The following GDF1 variants were observed in gnomAD, a reference collection of about 807,000 sequenced individuals.
The protein encoded by GDF1 is embryonic growth/differentiation factor 1.
In GDF1, 8 loss-of-function variants were observed where a neutral mutation model predicts 7.4. The ratio of observed to expected loss-of-function variants is 1.09; its 90% CI spans 0.64 to 1.96. The LOEUF is 1.96. Ranked by LOEUF, GDF1 falls within the 30% of genes most tolerant of loss-of-function variation. The pLI is 0.00. For missense variants in GDF1, 574 were observed against 551.5 expected (o/e 1.04, Z -0.41); for synonymous variants, 311 against 276.7 (o/e 1.12, Z -1.23).
chr19:18,880,152 C>A, intron 4 of GDF1, 122 bp downstream of exon 4: 1 of 993,954 alleles, frequency 1.0e-6, no homozygotes, highest in Non-Finnish European at 1.4e-6. Flanking sequence ...CCTCCCCTGT[C>A]ATGCCACACA....
chr19:18,870,616 C>A lies in GDF1; in HGVS notation c.-309G>T. 1.7e-6 allele frequency: 1 copy of A among 573,434 alleles called. No homozygotes were observed. Among genetic ancestry groups the A allele is most frequent in the Non-Finnish European group, 3.2e-6 (1 of 316,748 alleles). The allele number at this position is 573,434 out of a possible 1,614,324, so 35.5% of individuals were successfully genotyped here. On this transcript the variant is annotated 5_prime_UTR_variant, in exon 7 of 8. Coordinates refer to ENST00000247005, the MANE Select transcript of GDF1 (RefSeq NM_001492.6). This position sits in a 1 kb window ranked among gnomAD's most constrained non-coding sequence, Gnocchi z 5.1. ...CCTTCACCAGGCCGTTCCTCAGTGGCTTCCTGGGGGTCAGAACCGGCGCAG... is the reference window on the plus strand; with the variant it reads ...CCTTCACCAGGCCGTTCCTCAGTGGATTCCTGGGGGTCAGAACCGGCGCAG...
chr19:18,873,075 G>C (rs1488068094), intron 6 of GDF1, among the ~76,000 whole-genome samples: 1 of 147,854 alleles, frequency 6.8e-6, no homozygotes, highest in Non-Finnish European at 1.5e-5. Flanking sequence ...TCATAGATGA[G>C]GAGGAGAGGG....
chr19:18,869,338 C>T lies in GDF1; in HGVS notation c.378G>A (p.Glu126=). The change falls in exon 8 of 8, where the codon GAG becomes GAA. Residue 126 remains glutamate (E), a synonymous_variant. Coordinates refer to ENST00000247005, the MANE Select transcript of GDF1 (RefSeq NM_001492.6). ...EPASAAGHCP[E]WTVVFDLSAV... is the part of the protein sequence containing the mutation. Reference sequence around the variant, plus strand: ...CCGACAGGTCGAAGACGACTGTCCACTCAGGGCAATGCCCCGCGGCCGAGG... The same window carrying T: ...CCGACAGGTCGAAGACGACTGTCCATTCAGGGCAATGCCCCGCGGCCGAGG... The T allele has an allele frequency of 1.3e-6, 2 of 1,530,820 alleles. No individual in the cohort carries two copies. The highest frequency in any genetic ancestry group is 2.5e-5 in the East Asian group (1 of 40,238). 94.8% of individuals were successfully genotyped at this position (1,530,820 alleles called of 1,614,324 possible). A position where few individuals can be genotyped will look rare whatever the true frequency, so the allele number is the denominator to read the frequency against.
chr19:18,888,536 A>AAC (rs1555706271), intron 2 of GDF1, among the ~76,000 whole-genome samples: 15 of 148,656 alleles, frequency 1.0e-4, no homozygotes, highest in African/African-American at 3.8e-4. Context: ...AAAAAAAAAA[A>AAC]AAAAAAAAAA....
chr19:18,889,120 G>T (rs899888388), intron 2 of GDF1, among the ~76,000 whole-genome samples: 1 of 151,842 alleles, frequency 6.6e-6, no homozygotes, highest in Non-Finnish European at 1.5e-5. Context: ...TGGAACTCCC[G>T]GCCTCAAGTG....
In GDF1 at chr19:18,868,921, G is replaced by A; in HGVS notation, c.795C>T (p.Gly265=). 3.7e-6 allele frequency: 5 copies of A among 1,337,048 alleles called. No homozygotes were observed. The highest frequency in any genetic ancestry group is 4.8e-6 in the Non-Finnish European group (5 of 1,035,046). 82.8% of individuals were successfully genotyped at this position (1,337,048 alleles called of 1,614,324 possible). The change falls in exon 8 of 8, where the codon GGC becomes GGT. Residue 265 remains glycine (G), a synonymous_variant. Coordinates refer to ENST00000247005, the MANE Select transcript of GDF1 (RefSeq NM_001492.6). ...AEPVLGGGPG[G]ACRARRLYVS... is the part of the protein sequence containing the mutation. ...CGTACAGCCGCCGCGCGCGACAAGC[G>A]CCCCCGGGGCCGCCGCCCAACACGG...
At chr19:18,890,537 G>A (rs1283270099) in intron 2 of GDF1, among the ~76,000 whole-genome samples, 1 of 152,084 alleles carries the variant, frequency 6.6e-6, no homozygotes, top group African/African-American at 2.4e-5. Flanking sequence ...CACCACTTTG[G>A]GAGGCTGAGG....
intron 6 of GDF1, among the ~76,000 whole-genome samples, chr19:18,871,509 A>C (rs925626259): frequency 6.6e-6 from 1 of 152,170 alleles, no homozygotes; most frequent in Non-Finnish European, 1.5e-5. Context: ...GGCGTGAGCC[A>C]CCGTGCCTGG....
intron 4 of GDF1, 27 bp downstream of exon 4, chr19:18,880,247 C>T: frequency 6.5e-7 from 1 of 1,529,444 alleles, no homozygotes; most frequent in Non-Finnish European, 8.8e-7. Flanking sequence ...ACACCTCCCT[C>T]CCTGCCCAGC....
rs778764321 is a variant in GDF1 at position 18,884,107 on chromosome 19, G to C, written c.-753C>G. On this transcript the variant is annotated 5_prime_UTR_variant, in exon 3 of 8. In the 5' UTR this introduces an upstream ATG that the reference lacks. Transcript: ENST00000247005. ...CTTACCGGAAGGCGTAGGAGGAGAC[G>C]ATGAGGATGAGAGTGACCACGTGGT... is the stretch of plus-strand genomic sequence containing the variant. The C allele has an allele frequency of 1.9e-6, 3 of 1,613,358 alleles. No homozygotes were observed. The highest frequency in any genetic ancestry group is 2.5e-6 in the Non-Finnish European group (3 of 1,179,684).
At position 18,879,147 on chromosome 19, in the gene GDF1, C is replaced by T. The variant is rs1430134169; in HGVS notation, c.-423+94G>A. ...GCCCTCCACACGGGCTGTCTGCCAC[C>T]TAACGTGCCCCTCCCCGGGACTGCC... On this transcript the variant is annotated intron_variant, in intron 5 of 7. Coordinates refer to ENST00000247005, the MANE Select transcript of GDF1 (RefSeq NM_001492.6). 4 of 1,591,570 alleles carry T rather than the reference C, an allele frequency of 2.5e-6. No individual in the cohort carries two copies. In the African/African-American group the frequency reaches 5.4e-5, roughly 21 times the overall value.
intron 6 of GDF1, among the ~76,000 whole-genome samples, chr19:18,873,413 A>G (rs888862682): frequency 6.6e-6 from 1 of 152,010 alleles, no homozygotes; most frequent in African/African-American, 2.4e-5. Flanking sequence ...AAGGGCTTCA[A>G]GGGCCAGGCG....
chr19:18,870,339 A>G lies in GDF1; in HGVS notation c.-32T>C. 6.5e-7 allele frequency: 1 copy of G among 1,542,196 alleles called. No homozygotes were observed. Among genetic ancestry groups the G allele is most frequent in the Non-Finnish European group, 8.7e-7 (1 of 1,145,672 alleles). On this transcript the variant is annotated 5_prime_UTR_variant, in exon 7 of 8. Transcript: ENST00000247005. The surrounding 1 kb of genome is among the most constrained non-coding windows in gnomAD (Gnocchi z 5.1). ...CCCAGGCGATGACCAGAGAGTGCGCAGGGTCCGCGGCGGCCCGGGACCAGT... is the reference window on the plus strand; with the variant it reads ...CCCAGGCGATGACCAGAGAGTGCGCGGGGTCCGCGGCGGCCCGGGACCAGT...
rs2055918012 is a variant in GDF1 at position 18,869,353 on chromosome 19, C to T, written c.363G>A (p.Ala121=). 6.5e-7 allele frequency: 1 copy of T among 1,532,256 alleles called. No individual in the cohort carries two copies. Among genetic ancestry groups the T allele is most frequent in the Non-Finnish European group, 8.7e-7 (1 of 1,146,662 alleles). The allele number at this position is 1,532,256 out of a possible 1,614,324, so 94.9% of individuals were successfully genotyped here. Residue 121 remains alanine (A), a synonymous_variant, in exon 8 of 8, where the codon GCG becomes GCA. Coordinates refer to ENST00000247005, the MANE Select transcript of GDF1 (RefSeq NM_001492.6). ...PTRASEPASA[A]GHCPEWTVVF... is the part of the protein sequence containing the mutation. ...CGACTGTCCACTCAGGGCAATGCCCCGCGGCCGAGGCAGGCTCCGAGGCCC... is the reference window on the plus strand; with the variant it reads ...CGACTGTCCACTCAGGGCAATGCCCTGCGGCCGAGGCAGGCTCCGAGGCCC...
Position 18,876,536 on chromosome 19 carries a change from T to TTGTGTGTGTG in GDF1, c.-313+2384_-313+2393dup, listed in dbSNP as rs60266196. ...TTTGTTTTGTTTTGTTTTGATTGGG[T>TTGTGTGTGTG]TGTGTGTGTGTGTGTGTGTGTGTGT... On this transcript the variant is annotated intron_variant, in intron 6 of 7. Transcript: ENST00000247005. Among the ~76,000 whole-genome samples, 682 of 143,268 alleles carry TTGTGTGTGTG rather than the reference T, an allele frequency of 4.8e-3. 4 individuals are homozygous for TTGTGTGTGTG. The highest frequency in any genetic ancestry group is 0.016 in the African/African-American group (610 of 38,670). 94.0% of individuals were successfully genotyped at this position (143,268 alleles called of 152,430 possible).
Position 18,868,692 on chromosome 19 carries a change from G to T in GDF1, c.1024C>A (p.Leu342Met), listed in dbSNP as rs769083453. ...AAGAAGAGCACGGAGATGGGCGACA[G>T]GCGCGCGGGCACGCAGCAGGGCAGG... Reference protein sequence around the residue: ...ADLPCCVPARLSPISVLFFDN... With the variant: ...ADLPCCVPARMSPISVLFFDN... Residue 342 changes from leucine (L) to methionine (M), a missense_variant, in exon 8 of 8, where the codon CTG becomes ATG. Coordinates refer to ENST00000247005, the MANE Select transcript of GDF1 (RefSeq NM_001492.6). 1 of 1,560,446 alleles carries T rather than the reference G, an allele frequency of 6.4e-7. No homozygotes were observed. The highest frequency in any genetic ancestry group is 8.7e-7 in the Non-Finnish European group (1 of 1,152,168).
At chr19:18,881,455 T>C (rs1026238168) in intron 3 of GDF1, among the ~76,000 whole-genome samples, 6 of 151,236 alleles carry the variant, frequency 4.0e-5, no homozygotes, top group Admixed American at 3.9e-4. Context: ...CCCAACCTCA[T>C]GTGACCCACC....
In GDF1 at chr19:18,870,452, C is replaced by G; in HGVS notation, c.-145G>C. On this transcript the variant is annotated 5_prime_UTR_variant, in exon 7 of 8. Coordinates refer to ENST00000247005, the MANE Select transcript of GDF1 (RefSeq NM_001492.6). The surrounding 1 kb of genome is among the most constrained non-coding windows in gnomAD (Gnocchi z 5.1). ...TGGAGGCAGGATGAGGGGGCGGGGT[C>G]CCAGGGGAGGTGGCGGCGGCCCTAG... 1.2e-6 allele frequency: 1 copy of G among 834,298 alleles called. No individual in the cohort carries two copies. The allele number at this position is 834,298 out of a possible 1,614,324, so 51.7% of individuals were successfully genotyped here.
In GDF1 at chr19:18,878,894, G is replaced by T; in HGVS notation, c.-313+36C>A. ...ACACGCTTGGACGGGTGACACTAAA[G>T]GAGGGAACGCGGGGTGCGGGCCCCT... On this transcript the variant is annotated intron_variant, in intron 6 of 7. Coordinates refer to ENST00000247005, the MANE Select transcript of GDF1 (RefSeq NM_001492.6). The surrounding 1 kb of genome is among the most constrained non-coding windows in gnomAD (Gnocchi z 4.6). 6.2e-7 allele frequency: 1 copy of T among 1,608,448 alleles called. No individual in the cohort carries two copies. The highest frequency in any genetic ancestry group is 8.5e-7 in the Non-Finnish European group (1 of 1,177,882).
Sources: allele counts gnomAD v4.1 joint callset (sites outside exome capture counted in the v4.1 genomes callset), GRCh38; gene constraint gnomAD v4.1.1; non-coding constraint Gnocchi (gnomAD v3.1); transcripts MANE v1.5; gene names NCBI Gene and HGNC (gene_info 2026-07-23, HGNC 2026-07-21).